GALNTL6: variants seen among roughly 807,000 people sequenced by gnomAD.
GALNTL6 encodes the protein polypeptide N-acetylgalactosaminyltransferase-like 6.
In GALNTL6, 46 loss-of-function variants were observed where a neutral mutation model predicts 73.7. The observed-to-expected ratio is 0.62, with a 90% confidence interval of 0.49 to 0.80. GALNTL6 has a LOEUF of 0.80. Among genes scored for constraint, GALNTL6 ranks in the 30% least tolerant of loss-of-function variants. GALNTL6 has a pLI of 0.00. For missense variants in GALNTL6, 604 were observed against 755.0 expected (o/e 0.80, Z 2.34); for synonymous variants, 259 against 263.7 (o/e 0.98, Z 0.17).
At chr4:172,304,326 G>A (rs968774355) in intron 3 of GALNTL6, among the ~76,000 whole-genome samples, 6 of 151,966 alleles carry the variant, frequency 3.9e-5, no homozygotes, top group Non-Finnish European at 8.8e-5. Flanking sequence ...TTACGATGAA[G>A]ATCAAAAAGT....
rs535518921 is a variant in GALNTL6 at position 171,904,399 on chromosome 4, G to A, written c.138+89681G>A. Among the ~76,000 whole-genome samples the A allele has an allele frequency of 2.0e-5, 3 of 152,218 alleles. No individual in the cohort carries two copies. In the East Asian group the frequency reaches 5.8e-4, roughly 29 times the overall value. Reference sequence around the variant, plus strand: ...AACTGGAAGAAAGGGTATCAGCGATGGAAGATGAAATGAATGAAACAAAGA... The same window carrying A: ...AACTGGAAGAAAGGGTATCAGCGATAGAAGATGAAATGAATGAAACAAAGA... On this transcript the variant is annotated intron_variant, in intron 2 of 12. Coordinates refer to ENST00000506823, the MANE Select transcript of GALNTL6 (RefSeq NM_001034845.3).
At chr4:172,336,494 C>G (rs534309263) in intron 4 of GALNTL6, among the ~76,000 whole-genome samples, 1 of 149,648 alleles carries the variant, frequency 6.7e-6, no homozygotes, top group African/African-American at 2.5e-5. Flanking sequence ...TCAGGCTGGT[C>G]TCAAACTCCT....
At chr4:172,610,074 A>C (rs1205162985) in intron 5 of GALNTL6, among the ~76,000 whole-genome samples, 1 of 151,164 alleles carries the variant, frequency 6.6e-6, no homozygotes, top group Non-Finnish European at 1.5e-5. Context: ...GTTTATTTGG[A>C]TCTTTTCTCT....
At chr4:172,139,035 G>A (rs1733732119) in intron 2 of GALNTL6, among the ~76,000 whole-genome samples, 1 of 152,070 alleles carries the variant, frequency 6.6e-6, no homozygotes, top group Non-Finnish European at 1.5e-5. Context: ...GCAATGATTT[G>A]GAAGGGAAAG....
chr4:172,529,956 G>A (rs1360431645), intron 5 of GALNTL6, among the ~76,000 whole-genome samples: 1 of 151,076 alleles, frequency 6.6e-6, no homozygotes, highest in Non-Finnish European at 1.5e-5. Context: ...TGGCAAGGCT[G>A]GTCTTGAACT....
intron 5 of GALNTL6, among the ~76,000 whole-genome samples, chr4:172,415,451 G>T (rs1403073600): frequency 2.0e-5 from 3 of 152,150 alleles, no homozygotes; most frequent in South Asian, 2.1e-4. Context: ...TCTGCCCCTT[G>T]TGATGCCATG....
chr4:172,378,840 TTA>T lies in GALNTL6; in HGVS notation c.553+30153_553+30154del, dbSNP rs1743151221. On this transcript the variant is annotated intron_variant, in intron 5 of 12. Transcript: ENST00000506823. ...AAAACTGGATGAGATTGATTATATT[TTA>T]TTTTTATGAAAATGATTATAGAAGT... Among the ~76,000 whole-genome samples the T allele has an allele frequency of 2.0e-5, 3 of 152,256 alleles. No individual in the cohort carries two copies. In the South Asian group the frequency reaches 6.2e-4, roughly 32 times the overall value.
chr4:172,333,511 T>A (rs1000529021), intron 4 of GALNTL6, among the ~76,000 whole-genome samples: 4 of 152,218 alleles, frequency 2.6e-5, no homozygotes, highest in Non-Finnish European at 4.4e-5. Context: ...TTGAGTTGAG[T>A]TCCTTTTATA....
intron 2 of GALNTL6, among the ~76,000 whole-genome samples, chr4:172,163,790 A>G (rs1299817978): frequency 6.6e-6 from 1 of 152,030 alleles, no homozygotes; most frequent in African/African-American, 2.4e-5. Context: ...ATTTTAAAAA[A>G]TTCCAAAGAT....
intron 4 of GALNTL6, among the ~76,000 whole-genome samples, chr4:172,341,921 A>G (rs1741581350): frequency 6.6e-6 from 1 of 152,242 alleles, no homozygotes; most frequent in Non-Finnish European, 1.5e-5. Context: ...CTAAAAGGAA[A>G]TCTCAAATAT....
chr4:172,855,084 T>A (rs990701392), intron 7 of GALNTL6, among the ~76,000 whole-genome samples: 2 of 151,826 alleles, frequency 1.3e-5, no homozygotes, highest in African/African-American at 4.8e-5. Context: ...ATCATCTAAG[T>A]TCAAGCAAAG....
At chr4:172,532,441 T>C (rs1735198629) in intron 5 of GALNTL6, among the ~76,000 whole-genome samples, 1 of 152,204 alleles carries the variant, frequency 6.6e-6, no homozygotes, top group African/African-American at 2.4e-5. Context: ...CACCTTGAGT[T>C]TGGAGTTCTA....
chr4:171,962,362 G>GAT (rs1245997303), intron 2 of GALNTL6, among the ~76,000 whole-genome samples: 1 of 152,144 alleles, frequency 6.6e-6, no homozygotes, highest in Non-Finnish European at 1.5e-5. Flanking sequence ...ATCCGCACAA[G>GAT]ATACAGGTCA....
chr4:173,039,477 T>C (rs1477938962), intron 12 of GALNTL6, among the ~76,000 whole-genome samples: 1 of 152,118 alleles, frequency 6.6e-6, no homozygotes, highest in African/African-American at 2.4e-5. Context: ...CTTCTAGTCA[T>C]TGTGTGTGCG....
chr4:172,429,175 A>ATT (rs1554023237), intron 5 of GALNTL6, among the ~76,000 whole-genome samples: 73 of 13,330 alleles, frequency 5.5e-3, no homozygotes, highest in African/African-American at 0.012. Context: ...ATTTTGTTTT[A>ATT]TTATTTTATT....
chr4:172,958,283 T>C (rs1008568302), intron 10 of GALNTL6, among the ~76,000 whole-genome samples: 1 of 152,090 alleles, frequency 6.6e-6, no homozygotes, highest in African/African-American at 2.4e-5. Flanking sequence ...TAAGGTCAAG[T>C]TGTTTGGATA....
At chr4:172,747,858 G>T (rs1333394926) in intron 5 of GALNTL6, among the ~76,000 whole-genome samples, 1 of 144,140 alleles carries the variant, frequency 6.9e-6, no homozygotes, top group East Asian at 2.0e-4. Context: ...AAAGCCACAG[G>T]AAAATACATG....
intron 5 of GALNTL6, among the ~76,000 whole-genome samples, chr4:172,576,255 G>A (rs374686282): frequency 4.0e-5 from 6 of 151,886 alleles, no homozygotes; most frequent in African/African-American, 7.3e-5. Context: ...ACCAGGAACC[G>A]GGGGAGACTG....
At chr4:172,243,349 C>G (rs1488879761) in intron 3 of GALNTL6, among the ~76,000 whole-genome samples, 2 of 152,136 alleles carry the variant, frequency 1.3e-5, no homozygotes, top group South Asian at 2.1e-4. Flanking sequence ...TGTCCTTTTA[C>G]TCTGCTTAAG....
Sources: allele counts gnomAD v4.1 joint callset (sites outside exome capture counted in the v4.1 genomes callset), GRCh38; gene constraint gnomAD v4.1.1; transcripts MANE v1.5; gene names NCBI Gene and HGNC (gene_info 2026-07-23, HGNC 2026-07-21).